The following ETV5 variants were observed in gnomAD, a reference collection of about 807,000 sequenced individuals.
ETV5 encodes ETS variant transcription factor 5, also known as ETS translocation variant 5.
In ETV5, 10 loss-of-function variants were observed where a neutral mutation model predicts 70.0. The observed-to-expected ratio is 0.14, with a 90% CI of 0.09 to 0.24. The LOEUF is 0.24. Among genes scored for constraint, ETV5 ranks in the 10% least tolerant of loss-of-function variants. The probability of loss-of-function intolerance (pLI) is 1.00; values close to 1 mark genes in which losing one functional copy is unlikely to be tolerated. For synonymous variants in ETV5, 216 were observed against 242.2 expected (o/e 0.89, Z 1.01); for missense variants, 453 against 651.2 (o/e 0.70, Z 3.31).
intron 5 of ETV5, among the ~76,000 whole-genome samples, chr3:186,087,526 C>T (rs919226952): frequency 2.0e-5 from 3 of 152,178 alleles, no homozygotes; most frequent in African/African-American, 7.2e-5. Flanking sequence ...TCAAATAGCA[C>T]CACAGAGTTA....
At position 186,046,575 on chromosome 3, in the gene ETV5, A is replaced by T. The variant is rs1270273937; in HGVS notation, c.*2064T>A. The T allele has an allele frequency of 4.4e-6, 1 of 229,030 alleles. No individual in the cohort carries two copies. Among genetic ancestry groups the T allele is most frequent in the Non-Finnish European group, 8.6e-6 (1 of 115,704 alleles). 14.2% of individuals were successfully genotyped at this position (229,030 alleles called of 1,614,324 possible). A position where few individuals can be genotyped will look rare whatever the true frequency, so the allele number is the denominator to read the frequency against. ...ACCGTGATGCCGCTGTCCTATGCCC[A>T]GTGACAGCACAGGTCACGTAAGTTA... On this transcript the variant is annotated 3_prime_UTR_variant, in exon 13 of 13. Coordinates refer to ENST00000306376, the MANE Select transcript of ETV5 (RefSeq NM_004454.3).
intron 5 of ETV5, among the ~76,000 whole-genome samples, chr3:186,096,072 AT>A (rs1714296098): frequency 6.6e-6 from 1 of 152,216 alleles, no homozygotes; most frequent in Admixed American, 6.5e-5. Context: ...GACTATGATT[AT>A]TAGTTGTCAA....
intron 9 of ETV5, among the ~76,000 whole-genome samples, chr3:186,062,405 G>A (rs373100094): frequency 1.3e-5 from 2 of 152,300 alleles, no homozygotes; most frequent in African/African-American, 4.8e-5. Context: ...GGCAGATCAC[G>A]AGGTCAAGAG....
At chr3:186,102,525 C>T (rs576213573) in intron 5 of ETV5, among the ~76,000 whole-genome samples, 1 of 151,108 alleles carries the variant, frequency 6.6e-6, no homozygotes, top group East Asian at 2.0e-4. Context: ...CCCAGCTACT[C>T]GGGAGGCTTA....
rs1055777729 is a variant in ETV5, at chr3:186,052,772, A to G, written c.1210-641T>C. Among the ~76,000 whole-genome samples the G allele has an allele frequency of 6.6e-6, 1 of 152,156 alleles. No individual in the cohort carries two copies. The highest frequency in any genetic ancestry group is 1.5e-5 in the Non-Finnish European group (1 of 68,026). Reference sequence around the variant, plus strand: ...AACAGGGCTTTCCAAACAGTTCTGAAATGCATTATATCCAACCCAGTCCAC... The same window carrying G: ...AACAGGGCTTTCCAAACAGTTCTGAGATGCATTATATCCAACCCAGTCCAC... On this transcript the variant is annotated intron_variant, in intron 11 of 12. Transcript: ENST00000306376. The surrounding 1 kb of genome is among the most constrained non-coding windows in gnomAD (Gnocchi z 4.5).
chr3:186,082,946 T>C (rs1323032028), intron 5 of ETV5, among the ~76,000 whole-genome samples: 1 of 152,262 alleles, frequency 6.6e-6, no homozygotes, highest in Non-Finnish European at 1.5e-5. Context: ...TAATGCCAAC[T>C]GCTTTTCCTG....
At chr3:186,066,262 C>CAAAAA (rs10681607) in intron 7 of ETV5, among the ~76,000 whole-genome samples, 190 bp from the exon 8 acceptor site, 1 of 94,896 alleles carries the variant, frequency 1.1e-5, no homozygotes, top group East Asian at 3.2e-4. Context: ...CAGGAAGTGG[C>CAAAAA]AAAAAAAAAA....
Position 186,105,979 on chromosome 3 carries a change from G to A in ETV5, c.-74-37C>T, listed in dbSNP as rs770985003. 1 of 1,415,182 alleles carries A rather than the reference G, an allele frequency of 7.1e-7. No individual in the cohort carries two copies. Among genetic ancestry groups the A allele is most frequent in the South Asian group, 1.3e-5 (1 of 77,870 alleles). The allele number at this position is 1,415,182 out of a possible 1,614,324, so 87.7% of individuals were successfully genotyped here. On this transcript the variant is annotated intron_variant, in intron 1 of 12. Transcript: ENST00000306376. This position sits in a 1 kb window ranked among gnomAD's most constrained non-coding sequence, Gnocchi z 4.5. ...ATTTGGGAGATTTTAACTAAGAGGGGGGAAAAAAAGAAATGAAACAATTTT... is the reference window on the plus strand; with the variant it reads ...ATTTGGGAGATTTTAACTAAGAGGGAGGAAAAAAAGAAATGAAACAATTTT...
chr3:186,103,965 C>T (rs1015114062), intron 5 of ETV5, among the ~76,000 whole-genome samples: 3 of 152,232 alleles, frequency 2.0e-5, no homozygotes, highest in African/African-American at 7.2e-5. Context: ...CTAAGATACT[C>T]TCTCTCCAGT....
At chr3:186,049,243 T>C (rs1712963079) in intron 12 of ETV5, among the ~76,000 whole-genome samples, 7 of 152,240 alleles carry the variant, frequency 4.6e-5, no homozygotes, top group Admixed American at 3.9e-4. Context: ...TTCCAGAGTT[T>C]ACAGTCTTCA....
At chr3:186,076,314 G>T (rs1713788368) in intron 7 of ETV5, 2 of 202,082 alleles carry the variant, frequency 9.9e-6, no homozygotes, top group Admixed American at 6.0e-5. Flanking sequence ...TTAGAGATGG[G>T]GGTCTCACTG....
intron 7 of ETV5, among the ~76,000 whole-genome samples, chr3:186,078,425 T>A (rs568457825): frequency 1.8e-4 from 27 of 152,186 alleles, no homozygotes; most frequent in Non-Finnish European, 3.8e-4. Flanking sequence ...ATAAAAATGA[T>A]ATCTAGGCCA....
chr3:186,108,499 T>A, intron 1 of ETV5: 1 of 1,284,334 alleles, frequency 7.8e-7, no homozygotes, highest in South Asian at 1.2e-5. Context: ...GGGCAGCGCC[T>A]CTCAGACATT....
intron 7 of ETV5, among the ~76,000 whole-genome samples, chr3:186,069,722 C>G (rs1454649052): frequency 6.6e-6 from 1 of 152,062 alleles, no homozygotes. Flanking sequence ...GTCTTGAACT[C>G]CAGGACTCAG....
intron 5 of ETV5, among the ~76,000 whole-genome samples, chr3:186,097,653 G>T (rs1165573579): frequency 6.6e-6 from 1 of 152,138 alleles, no homozygotes; most frequent in African/African-American, 2.4e-5. Flanking sequence ...GTGGGTCAGC[G>T]GCAGCTCTTC....
chr3:186,064,321 G>C (rs1713381788), intron 9 of ETV5, 96 bp downstream of exon 9: 1 of 1,167,990 alleles, frequency 8.6e-7, no homozygotes. Flanking sequence ...CAAAGAAAGA[G>C]GAAGGAAGGA....
rs1360217540 is a variant in ETV5, at chr3:186,054,010, C to G, written c.1210-1879G>C. On this transcript the variant is annotated intron_variant, in intron 11 of 12. Coordinates refer to ENST00000306376, the MANE Select transcript of ETV5 (RefSeq NM_004454.3). This position sits in a 1 kb window ranked among gnomAD's most constrained non-coding sequence, Gnocchi z 4.4. ...AATATTCTTCAACTTCAGCGGCCACCTCTCAGCTGTCACTTGCATATGCAA... is the reference window on the plus strand; with the variant it reads ...AATATTCTTCAACTTCAGCGGCCACGTCTCAGCTGTCACTTGCATATGCAA... Among the ~76,000 whole-genome samples the G allele has an allele frequency of 6.6e-6, 1 of 152,230 alleles. No homozygotes were observed. Among genetic ancestry groups the G allele is most frequent in the Non-Finnish European group, 1.5e-5 (1 of 68,038 alleles).
chr3:186,087,129 G>T lies in ETV5; in HGVS notation c.233-5954C>A, dbSNP rs554352777. 2.0e-5 allele frequency among the ~76,000 whole-genome samples: 3 copies of T among 152,306 alleles called. No homozygotes were observed. In the South Asian group the frequency reaches 6.2e-4, roughly 32 times the overall value. Reference sequence around the variant, plus strand: ...CTTCCCAAATTTATCTATAGGTTCAGTGTAACCCCCAACAAAATCTTAGCA... The same window carrying T: ...CTTCCCAAATTTATCTATAGGTTCATTGTAACCCCCAACAAAATCTTAGCA... On this transcript the variant is annotated intron_variant, in intron 5 of 12. Coordinates refer to ENST00000306376, the MANE Select transcript of ETV5 (RefSeq NM_004454.3).
Position 186,105,880 on chromosome 3 carries a change from C to A in ETV5, c.-12G>T, listed in dbSNP as rs184049610. 2 of 1,613,624 alleles carry A rather than the reference C, an allele frequency of 1.2e-6. No homozygotes were observed. Among genetic ancestry groups the A allele is most frequent in the Non-Finnish European group, 1.7e-6 (2 of 1,179,830 alleles). ...TAAAACCCGTCCATGGTGCTTTCAG[C>A]GTCTCTAATACCACTTTGAGAGGTT... On this transcript the variant is annotated 5_prime_UTR_variant, in exon 2 of 13. Transcript: ENST00000306376. The surrounding 1 kb of genome is among the most constrained non-coding windows in gnomAD (Gnocchi z 4.5).
Sources: gnomAD v4.1 joint callset for allele counts (sites outside exome capture counted in the v4.1 genomes callset) on GRCh38, gnomAD v4.1.1 for gene constraint, Gnocchi (gnomAD v3.1) non-coding constraint, MANE v1.5 for transcripts, NCBI Gene and HGNC (gene_info 2026-07-23, HGNC 2026-07-21) for gene names.